Variants in ROBO2 observed in about 807,000 individuals in gnomAD.
ROBO2 encodes the protein roundabout guidance receptor 2.
In ROBO2, 53 loss-of-function variants were observed where a neutral mutation model predicts 160.8. The observed-to-expected ratio is 0.33, with a 90% confidence interval of 0.26 to 0.41. ROBO2 has a LOEUF of 0.41. Among genes scored for constraint, ROBO2 ranks in the 10% least tolerant of loss-of-function variants. ROBO2 has a pLI of 1.00. For synonymous variants in ROBO2, 664 were observed against 611.7 expected (o/e 1.09, Z -1.26); for missense variants, 1,577 against 1,722.4 (o/e 0.92, Z 1.49).
intron 2 of ROBO2, among the ~76,000 whole-genome samples, chr3:76,287,215 A>G (rs1708545730): frequency 6.6e-6 from 1 of 152,122 alleles, no homozygotes; most frequent in Non-Finnish European, 1.5e-5. Flanking sequence ...CTAGGCCTTG[A>G]GGAGGCACTT....
intron 2 of ROBO2, among the ~76,000 whole-genome samples, chr3:76,615,192 A>C (rs2109138884): frequency 6.6e-6 from 1 of 152,230 alleles, no homozygotes; most frequent in African/African-American, 2.4e-5. Context: ...GGAGATTCTA[A>C]ATCAATTGGT....
At chr3:76,918,712 A>G (rs1171288506) in intron 2 of ROBO2, among the ~76,000 whole-genome samples, 1 of 152,232 alleles carries the variant, frequency 6.6e-6, no homozygotes, top group Non-Finnish European at 1.5e-5. Flanking sequence ...ATTGAAAGTC[A>G]TCAAGTGGTA....
chr3:77,126,933 T>C (rs1421926276), intron 2 of ROBO2, among the ~76,000 whole-genome samples: 2 of 151,254 alleles, frequency 1.3e-5, no homozygotes, highest in Admixed American at 6.6e-5. Context: ...GGACTGCAGG[T>C]GCCCGCCACC....
exon 12 of ROBO2, chr3:77,564,981 C>G: frequency 1.2e-6 from 2 of 1,613,396 alleles, no homozygotes; most frequent in Non-Finnish European, 1.7e-6. Flanking sequence ...GCTGGCAGAC[C>G]GTGGCAAACC....
At chr3:76,762,553 T>G (rs1302025191) in intron 2 of ROBO2, among the ~76,000 whole-genome samples, 2 of 151,440 alleles carry the variant, frequency 1.3e-5, no homozygotes, top group Non-Finnish European at 3.0e-5. Context: ...AACAACCATC[T>G]TTTGGTCGGA....
chr3:76,348,100 C>T (rs994087820), intron 2 of ROBO2, among the ~76,000 whole-genome samples: 1 of 142,282 alleles, frequency 7.0e-6, no homozygotes, highest in Non-Finnish European at 1.5e-5. Context: ...TCTTCAGCAT[C>T]GTCCGCCCAA....
At chr3:76,039,034 AAC>A (rs1293721315) in intron 2 of ROBO2, among the ~76,000 whole-genome samples, 1 of 151,936 alleles carries the variant, frequency 6.6e-6, no homozygotes, top group African/African-American at 2.4e-5. Flanking sequence ...TTTAGAAGGA[AAC>A]ACAAAATCAG....
intron 2 of ROBO2, among the ~76,000 whole-genome samples, chr3:76,243,900 C>A (rs1303425270): frequency 6.6e-6 from 1 of 151,898 alleles, no homozygotes; most frequent in Non-Finnish European, 1.5e-5. Context: ...TGTCTATTAG[C>A]AAAGTAGAGA....
At chr3:76,045,293 C>G (rs572658727) in intron 2 of ROBO2, among the ~76,000 whole-genome samples, 1 of 152,012 alleles carries the variant, frequency 6.6e-6, no homozygotes, top group Non-Finnish European at 1.5e-5. Context: ...TGCTCTCACT[C>G]AAACATAGAA....
intron 2 of ROBO2, among the ~76,000 whole-genome samples, chr3:77,335,979 T>C (rs1405360538): frequency 6.6e-6 from 1 of 152,148 alleles, no homozygotes; most frequent in Non-Finnish European, 1.5e-5. Context: ...ATATGCAAGG[T>C]ACTGTAAGAA....
intron 2 of ROBO2, among the ~76,000 whole-genome samples, chr3:76,872,936 G>T (rs1474466773): frequency 6.6e-6 from 1 of 152,014 alleles, no homozygotes; most frequent in African/African-American, 2.4e-5. Context: ...GATCTTAAAT[G>T]TATTTAGATA....
At chr3:77,504,416 CA>C (rs60117495) in intron 5 of ROBO2, among the ~76,000 whole-genome samples, 178 of 142,542 alleles carry the variant, frequency 1.2e-3, no homozygotes, top group Middle Eastern at 3.8e-3. Context: ...CAGTGCTTCT[CA>C]AAAAAAAAAA....
At chr3:76,383,998 C>T (rs1169431195) in intron 2 of ROBO2, among the ~76,000 whole-genome samples, 2 of 152,212 alleles carry the variant, frequency 1.3e-5, no homozygotes, top group Admixed American at 1.3e-4. Flanking sequence ...TGTGACAAGA[C>T]AGGCTGGGCA....
intron 23 of ROBO2, among the ~76,000 whole-genome samples, chr3:77,628,157 AACACAAAT>A (rs770270206): frequency 0.13 from 19,535 of 152,158 alleles, 1,328 homozygotes; most frequent in Admixed American, 0.17. Context: ...TGAAAATGTA[AACACAAAT>A]AAATTTGGCT....
chr3:76,581,070 A>C (rs2085671649), intron 2 of ROBO2, among the ~76,000 whole-genome samples: 3 of 152,222 alleles, frequency 2.0e-5, no homozygotes, highest in Admixed American at 2.0e-4. Context: ...ATAACAAATG[A>C]GGCACTTGAC....
intron 2 of ROBO2, among the ~76,000 whole-genome samples, chr3:76,446,361 C>G (rs1448716152): frequency 6.6e-6 from 1 of 152,164 alleles, no homozygotes; most frequent in African/African-American, 2.4e-5. Context: ...TCAAGGAGAA[C>G]TACAAATCAC....
intron 2 of ROBO2, among the ~76,000 whole-genome samples, chr3:76,556,234 A>G (rs959541006): frequency 1.3e-5 from 2 of 152,206 alleles, no homozygotes; most frequent in Non-Finnish European, 1.5e-5. Context: ...TAAGCTGTAT[A>G]TATGTATTAA....
intron 2 of ROBO2, among the ~76,000 whole-genome samples, chr3:76,532,658 G>C (rs2082290757): frequency 6.6e-6 from 1 of 152,074 alleles, no homozygotes; most frequent in Middle Eastern, 3.2e-3. Context: ...TAATTTTTGT[G>C]ACATGACTGA....
chr3:77,539,071 C>T (rs1212476255), intron 6 of ROBO2, among the ~76,000 whole-genome samples: 2 of 152,106 alleles, frequency 1.3e-5, no homozygotes, highest in Non-Finnish European at 2.9e-5. Flanking sequence ...GCGCACCCTG[C>T]CACGCCCAGC....
Sources: allele counts gnomAD v4.1 joint callset (sites outside exome capture counted in the v4.1 genomes callset), GRCh38; gene constraint gnomAD v4.1.1; transcripts MANE v1.5; gene names NCBI Gene and HGNC (gene_info 2026-07-23, HGNC 2026-07-21).